FAM171A1: variants seen among roughly 807,000 people sequenced by gnomAD.
FAM171A1 encodes protein FAM171A1.
In FAM171A1, 23 loss-of-function variants were observed where a neutral mutation model predicts 74.9. The ratio of observed to expected loss-of-function variants is 0.31; its 90% confidence interval spans 0.22 to 0.44. The LOEUF is 0.44. FAM171A1 is among the 20% of genes least tolerant of loss of function. The pLI, the probability that FAM171A1 is intolerant of heterozygous loss-of-function variation, is 1.00. For missense variants in FAM171A1, 1,162 were observed against 1,159.2 expected (o/e 1.00, Z -0.03); for synonymous variants, 527 against 505.7 (o/e 1.04, Z -0.57).
chr10:15,337,472 T>A (rs1835714524), intron 1 of FAM171A1, among the ~76,000 whole-genome samples: 1 of 151,884 alleles, frequency 6.6e-6, no homozygotes, highest in Admixed American at 6.6e-5. Context: ...GTGCGGTGGC[T>A]CCCGCCTGTA....
intron 1 of FAM171A1, among the ~76,000 whole-genome samples, chr10:15,342,705 A>C (rs1408296787): frequency 6.6e-6 from 1 of 152,232 alleles, no homozygotes; most frequent in Non-Finnish European, 1.5e-5. Context: ...CCAAAGTTAC[A>C]TCAACAAACT....
chr10:15,309,253 G>T (rs890789397), intron 1 of FAM171A1, among the ~76,000 whole-genome samples: 1 of 152,208 alleles, frequency 6.6e-6, no homozygotes, highest in Non-Finnish European at 1.5e-5. Flanking sequence ...CTGTTGCCCA[G>T]GCTGGAGTGC....
At chr10:15,314,915 T>C (rs1220516130) in intron 1 of FAM171A1, among the ~76,000 whole-genome samples, 1 of 152,250 alleles carries the variant, frequency 6.6e-6, no homozygotes, top group East Asian at 1.9e-4. Flanking sequence ...GTCTGGGCCC[T>C]GTCTCTCCGG....
rs144981919 is a variant in FAM171A1, at chr10:15,229,921, ACAT to A, written c.755-8864_755-8862del. On this transcript the variant is annotated intron_variant, in intron 5 of 7. Coordinates refer to ENST00000378116, the MANE Select transcript of FAM171A1 (RefSeq NM_001010924.2). ...ATCATCACCATCACCACCATCACCA[ACAT>A]CATCATCATCACCATCACCATCATC... Among the ~76,000 whole-genome samples the A allele has an allele frequency of 1.1e-3, 55 of 50,472 alleles. 7 individuals are homozygous for A. The highest frequency in any genetic ancestry group is 1.5e-3 in the Non-Finnish European group (33 of 22,350). The allele number at this position is 50,472 out of a possible 152,430, so 33.1% of individuals were successfully genotyped here. A position where few individuals can be genotyped will look rare whatever the true frequency, so the allele number is the denominator to read the frequency against.
chr10:15,248,677 T>A lies in FAM171A1; in HGVS notation c.716A>T (p.Asn239Ile). Reference sequence around the variant, plus strand: ...AAACCGCCACGCCGCGACATAGGCATTGTGCCTCAGGCTGCTCTGCGTGGC... The same window carrying A: ...AAACCGCCACGCCGCGACATAGGCAATGTGCCTCAGGCTGCTCTGCGTGGC... ...PLATQSSLRH[N>I]AYVAAWRFDQ... is the part of the protein sequence containing the mutation. Residue 239 changes from asparagine to isoleucine, a missense_variant, in exon 5 of 8, where the codon AAT becomes ATT. Transcript: ENST00000378116. 6.2e-7 allele frequency: 1 copy of A among 1,611,488 alleles called. No homozygotes were observed. Among genetic ancestry groups the A allele is most frequent in the South Asian group, 1.1e-5 (1 of 90,388 alleles).
chr10:15,338,211 T>C (rs1835726447), intron 1 of FAM171A1, among the ~76,000 whole-genome samples: 2 of 152,218 alleles, frequency 1.3e-5, no homozygotes, highest in African/African-American at 4.8e-5. Context: ...GGAAATTTAA[T>C]AGTTCTATAA....
intron 1 of FAM171A1, among the ~76,000 whole-genome samples, chr10:15,364,460 A>G (rs560064121): frequency 6.6e-6 from 1 of 152,184 alleles, no homozygotes; most frequent in Non-Finnish European, 1.5e-5. Context: ...CGTTTTTCCA[A>G]ATGTAACTTC....
rs369222319 is a variant in FAM171A1, at chr10:15,359,609, T to A, written c.97+11347A>T. Among the ~76,000 whole-genome samples the A allele has an allele frequency of 9.9e-5, 15 of 152,168 alleles. No individual in the cohort carries two copies. The South Asian group carries it at 2.1e-3, about 21-fold the overall frequency. On this transcript the variant is annotated intron_variant, in intron 1 of 7. Transcript: ENST00000378116. ...CTCATCCCCGGAACCTGTCAATACA[T>A]TGTGTTAAAAAGGGACTGCAGAGGT...
At chr10:15,328,971 T>A (rs1835592773) in intron 1 of FAM171A1, among the ~76,000 whole-genome samples, 1 of 152,140 alleles carries the variant, frequency 6.6e-6, no homozygotes, top group Non-Finnish European at 1.5e-5. Context: ...ACCAAGAACC[T>A]GTGGCTCAGC....
At chr10:15,324,118 C>A (rs1256547474) in intron 1 of FAM171A1, among the ~76,000 whole-genome samples, 1 of 152,162 alleles carries the variant, frequency 6.6e-6, no homozygotes, top group Non-Finnish European at 1.5e-5. Context: ...TGAGCCTTAA[C>A]CTCCACCCCA....
chr10:15,240,735 T>G (rs1834353469), intron 5 of FAM171A1: 1 of 985,130 alleles, frequency 1.0e-6, no homozygotes, highest in East Asian at 1.1e-4. Context: ...TATACTGAGT[T>G]AGTGTTAAAA....
At chr10:15,267,136 G>C (rs550850356) in intron 3 of FAM171A1, among the ~76,000 whole-genome samples, 2 of 152,284 alleles carry the variant, frequency 1.3e-5, no homozygotes, top group African/African-American at 2.4e-5. Flanking sequence ...TACCCCACAG[G>C]GGGGCTACTG....
intron 5 of FAM171A1, among the ~76,000 whole-genome samples, chr10:15,246,090 T>G (rs187002974): frequency 8.5e-5 from 13 of 152,210 alleles, no homozygotes; most frequent in Non-Finnish European, 1.6e-4. Flanking sequence ...CCCCAAATTA[T>G]CAGGCTCACA....
intron 1 of FAM171A1, among the ~76,000 whole-genome samples, 155 bp downstream of exon 1, chr10:15,370,801 G>T (rs1836133781): frequency 6.9e-6 from 1 of 145,310 alleles, no homozygotes; most frequent in South Asian, 2.2e-4. Context: ...TCGGGAGCGC[G>T]TTGCGGGTGC....
Position 15,351,322 on chromosome 10 carries a change from G to C in FAM171A1, c.97+19634C>G, listed in dbSNP as rs563443162. Among the ~76,000 whole-genome samples, 4 of 152,284 alleles carry C rather than the reference G, an allele frequency of 2.6e-5. No homozygotes were observed. The South Asian group carries it at 8.3e-4, about 32-fold the overall frequency. ...CGAGTGTGGGTGCGTAAGCCCCCAA[G>C]AGAGATGAGCTGAGAGGAGAGAGGA... On this transcript the variant is annotated intron_variant, in intron 1 of 7. Coordinates refer to ENST00000378116, the MANE Select transcript of FAM171A1 (RefSeq NM_001010924.2).
Position 15,284,077 on chromosome 10 carries a change from G to A in FAM171A1, c.126C>T (p.Asp42=), listed in dbSNP as rs749392322. The A allele has an allele frequency of 9.9e-6, 16 of 1,613,722 alleles. No individual in the cohort carries two copies. The highest frequency in any genetic ancestry group is 6.7e-5 in the African/African-American group (5 of 74,894). The stretch of plus-strand genomic sequence containing the variant: ...CTGCTACGGGCTGGTGGGTGCTGGC[G>A]TCGCTGATGTGCACCTTTAACGTCA... ...QEVTLKVHIS[D]ASTHQPVADA... is the part of the protein sequence containing the mutation. The change falls in exon 2 of 8, where the codon GAC becomes GAT. Residue 42 remains aspartate, a synonymous_variant. Coordinates refer to ENST00000378116, the MANE Select transcript of FAM171A1 (RefSeq NM_001010924.2).
chr10:15,243,123 C>A (rs1834383358), intron 5 of FAM171A1, among the ~76,000 whole-genome samples: 1 of 151,908 alleles, frequency 6.6e-6, no homozygotes, highest in East Asian at 1.9e-4. Flanking sequence ...AAGGGAGAAT[C>A]CCTTGCTTGC....
At chr10:15,226,504 C>T (rs1465992273) in intron 5 of FAM171A1, among the ~76,000 whole-genome samples, 4 of 152,130 alleles carry the variant, frequency 2.6e-5, no homozygotes, top group Admixed American at 2.0e-4. Flanking sequence ...AGAGACGTCC[C>T]CCCAATCCCC....
At chr10:15,254,355 G>A (rs1159187175) in intron 4 of FAM171A1, among the ~76,000 whole-genome samples, 3 of 152,134 alleles carry the variant, frequency 2.0e-5, no homozygotes, top group Admixed American at 6.5e-5. Context: ...CTCGTGGGAC[G>A]AGGCAGAGGG....
Sources: allele counts gnomAD v4.1 joint callset (sites outside exome capture counted in the v4.1 genomes callset), GRCh38; gene constraint gnomAD v4.1.1; transcripts MANE v1.5; gene names NCBI Gene and HGNC (gene_info 2026-07-23, HGNC 2026-07-21).